Variants in PLAC1 observed in about 807,000 individuals in gnomAD.
The protein encoded by PLAC1 is placenta-specific protein 1.
For synonymous variants in PLAC1, 68 were observed against 62.1 expected, an observed-to-expected ratio of 1.09 and a Z score of -0.44; for missense variants, 136 against 163.2, an observed-to-expected ratio of 0.83 and a Z score of 0.91.
At chrX:134,648,171 G>C (rs929035814) in intron 1 of PLAC1, among the ~76,000 whole-genome samples, 2 of 110,988 alleles carry the variant, frequency 1.8e-5, no homozygotes, top group African/African-American at 3.3e-5. Context: ...CGCCTGGGAG[G>C]AATATCACCT....
intron 1 of PLAC1, among the ~76,000 whole-genome samples, chrX:134,638,335 A>C (rs2124423600): frequency 8.9e-6 from 1 of 112,317 alleles, no homozygotes; most frequent in South Asian, 3.7e-4. Context: ...TTTAGACTAA[A>C]GAGTTGTTCT....
chrX:134,759,019 A>G (rs1416738372), intron 1 of PLAC1, among the ~76,000 whole-genome samples: 2 of 112,212 alleles, frequency 1.8e-5, no homozygotes, highest in Admixed American at 9.5e-5. Context: ...GTATATGAAA[A>G]AATACTCTAC....
intron 2 of PLAC1, among the ~76,000 whole-genome samples, chrX:134,686,385 C>G (rs1383580498): frequency 1.8e-5 from 2 of 111,778 alleles, no homozygotes; most frequent in Non-Finnish European, 3.8e-5. Context: ...GCTGGTTTGA[C>G]TCTTCTGTGG....
At chrX:134,629,707 T>C (rs1205026146) in intron 1 of PLAC1, among the ~76,000 whole-genome samples, 1 of 111,483 alleles carries the variant, frequency 9.0e-6, no homozygotes, top group Non-Finnish European at 1.9e-5. Context: ...GAGTCACTGC[T>C]CAAAAGTCCA....
chrX:134,690,898 C>T (rs1298536925), intron 2 of PLAC1, among the ~76,000 whole-genome samples: 3 of 83,367 alleles, frequency 3.6e-5, no homozygotes, highest in African/African-American at 9.5e-5. Context: ...GCCGAAATCG[C>T]GCCACTGCAC....
chrX:134,726,596 G>A (rs773230560), intron 2 of PLAC1, among the ~76,000 whole-genome samples: 4 of 110,883 alleles, frequency 3.6e-5, no homozygotes, highest in East Asian at 2.9e-4. Flanking sequence ...AGGCCGAGGC[G>A]GCCGGATCAT....
At chrX:134,714,039 T>C (rs1294454791) in intron 2 of PLAC1, among the ~76,000 whole-genome samples, 1 of 111,729 alleles carries the variant, frequency 9.0e-6, no homozygotes, top group African/African-American at 3.3e-5. Context: ...CACTCTGCCT[T>C]GGAAGTGGTG....
At chrX:134,762,821 CAAAAAA>C (rs60721487) in intron 1 of PLAC1, among the ~76,000 whole-genome samples, 6 of 14,820 alleles carry the variant, frequency 4.0e-4, no homozygotes, top group Non-Finnish European at 7.0e-4. Context: ...GGCTCTATCT[CAAAAAA>C]AAAAAAAAAA....
intron 2 of PLAC1, among the ~76,000 whole-genome samples, chrX:134,723,986 T>TG (rs1406397087): frequency 2.1e-5 from 1 of 46,610 alleles, no homozygotes; most frequent in Non-Finnish European, 5.1e-5. Flanking sequence ...AATCTAATCA[T>TG]GAAAAAAAAA....
chrX:134,752,510 T>C (rs893683636), intron 1 of PLAC1, among the ~76,000 whole-genome samples: 1 of 111,669 alleles, frequency 9.0e-6, no homozygotes, highest in Non-Finnish European at 1.9e-5. Context: ...TGAAGGAAAG[T>C]CAAAACTTTT....
chrX:134,725,387 T>C (rs1192050744), intron 2 of PLAC1, among the ~76,000 whole-genome samples: 2 of 111,178 alleles, frequency 1.8e-5, no homozygotes, highest in African/African-American at 3.3e-5. Context: ...ACCTAGGTGG[T>C]CTGTGTAGGG....
intron 1 of PLAC1, among the ~76,000 whole-genome samples, chrX:134,624,221 T>G: frequency 8.9e-6 from 1 of 112,287 alleles, no homozygotes; most frequent in Non-Finnish European, 1.9e-5. Context: ...CTTTTTCCAG[T>G]GGGCTTCCCC....
chrX:134,739,830 C>A (rs948845855), intron 1 of PLAC1, among the ~76,000 whole-genome samples: 2 of 112,462 alleles, frequency 1.8e-5, no homozygotes, highest in East Asian at 5.6e-4. Context: ...ATCTATAATT[C>A]TTTGGCACTG....
intron 1 of PLAC1, among the ~76,000 whole-genome samples, chrX:134,761,143 A>G (rs1395059326): frequency 9.0e-6 from 1 of 111,275 alleles, no homozygotes; most frequent in Non-Finnish European, 1.9e-5. Flanking sequence ...GTCATGTAGT[A>G]ATCGCTCATA....
chrX:134,636,013 T>C (rs1008448910), intron 1 of PLAC1, among the ~76,000 whole-genome samples: 23 of 112,248 alleles, frequency 2.0e-4, no homozygotes, highest in Non-Finnish European at 4.1e-4. Flanking sequence ...CCTTCGATAA[T>C]GACACTAGGA....
At chrX:134,653,987 G>A (rs2078376423) in intron 1 of PLAC1, among the ~76,000 whole-genome samples, 1 of 111,952 alleles carries the variant, frequency 8.9e-6, no homozygotes, top group Admixed American at 9.5e-5. Context: ...CATTTGCAAG[G>A]AGGAGTCTTA....
At chrX:134,741,204 T>C (rs2078716159) in intron 1 of PLAC1, among the ~76,000 whole-genome samples, 1 of 112,140 alleles carries the variant, frequency 8.9e-6, no homozygotes, top group Non-Finnish European at 1.9e-5. Context: ...CCACTTTGGG[T>C]AAACAGAAGC....
chrX:134,738,225 T>C (rs2078708297), intron 1 of PLAC1, among the ~76,000 whole-genome samples: 1 of 112,020 alleles, frequency 8.9e-6, no homozygotes, highest in East Asian at 2.8e-4. Context: ...AGGTGGCGTG[T>C]TAACAGCGAT....
At chrX:134,600,114 C>A (rs2078081352) in intron 2 of PLAC1, among the ~76,000 whole-genome samples, 1 of 110,766 alleles carries the variant, frequency 9.0e-6, no homozygotes, top group Non-Finnish European at 1.9e-5. Context: ...CAGCCTTGAA[C>A]TCCTGGGCTC....
Sources: allele counts gnomAD v4.1 joint callset (sites outside exome capture counted in the v4.1 genomes callset), GRCh38; gene constraint gnomAD v4.1.1; transcripts MANE v1.5; gene names NCBI Gene and HGNC (gene_info 2026-07-23, HGNC 2026-07-21).